The following MDGA2 variants were observed in gnomAD, a reference collection of about 807,000 sequenced individuals.
The protein encoded by MDGA2 is MAM domain-containing glycosylphosphatidylinositol anchor protein 2.
Under a neutral mutation model 117.8 loss-of-function variants are expected in MDGA2, and 40 were observed. That is an observed-to-expected ratio of 0.34 (90% CI 0.26 to 0.44). The LOEUF (loss-of-function observed/expected upper bound fraction) is 0.44, where lower values mean the gene tolerates loss of function less well. Among genes scored for constraint, MDGA2 ranks in the 20% least tolerant of loss-of-function variants. The pLI is 1.00. For missense variants in MDGA2, 1,123 were observed against 1,250.6 expected (o/e 0.90, Z 1.54); for synonymous variants, 452 against 439.0 (o/e 1.03, Z -0.37).
intron 4 of MDGA2, among the ~76,000 whole-genome samples, chr14:47,142,077 A>T (rs1012547756): frequency 6.6e-6 from 1 of 152,198 alleles, no homozygotes; most frequent in Admixed American, 6.5e-5. Context: ...CTTTGATAGT[A>T]TGAAAGATTT....
chr14:47,534,891 TA>T (rs1006154835), intron 1 of MDGA2, among the ~76,000 whole-genome samples: 38 of 152,336 alleles, frequency 2.5e-4, no homozygotes, highest in African/African-American at 8.4e-4. Flanking sequence ...CTGAAGCACC[TA>T]AATGTCTCAC....
chr14:47,424,716 A>C (rs17118617), intron 1 of MDGA2, among the ~76,000 whole-genome samples: 1 of 151,886 alleles, frequency 6.6e-6, no homozygotes, highest in Admixed American at 6.6e-5. Context: ...GGAGCAATAC[A>C]TATCTATGTG....
At chr14:47,052,905 C>T (rs2138732910) in intron 7 of MDGA2, among the ~76,000 whole-genome samples, 1 of 151,934 alleles carries the variant, frequency 6.6e-6, no homozygotes, top group African/African-American at 2.4e-5. Context: ...TCCTCTTAAT[C>T]CTCTGTCTCA....
chr14:47,070,467 CT>C (rs1488790071), intron 6 of MDGA2, among the ~76,000 whole-genome samples: 1 of 152,166 alleles, frequency 6.6e-6, no homozygotes, highest in Non-Finnish European at 1.5e-5. Flanking sequence ...GACATTGCCC[CT>C]ATCTCCCATT....
At chr14:47,282,050 GAAA>G (rs1255955701) in intron 2 of MDGA2, among the ~76,000 whole-genome samples, 2 of 124,218 alleles carry the variant, frequency 1.6e-5, no homozygotes, top group East Asian at 2.2e-4. Context: ...TCCGTCTCGG[GAAA>G]AAAAAAAAAA....
intron 1 of MDGA2, among the ~76,000 whole-genome samples, chr14:47,538,253 A>G (rs1895264076): frequency 6.6e-6 from 1 of 152,190 alleles, no homozygotes. Flanking sequence ...TTCCTGCCCC[A>G]ATATTTTATT....
chr14:47,589,164 A>G (rs1271798423), intron 1 of MDGA2, among the ~76,000 whole-genome samples: 2 of 151,950 alleles, frequency 1.3e-5, no homozygotes, highest in Admixed American at 1.3e-4. Context: ...TCAAATGTCG[A>G]CATCTTTGTG....
At chr14:47,199,010 C>T (rs1262321547) in intron 3 of MDGA2, among the ~76,000 whole-genome samples, 1 of 152,044 alleles carries the variant, frequency 6.6e-6, no homozygotes, top group Non-Finnish European at 1.5e-5. Context: ...TCCAAGATTG[C>T]AATATAAAAA....
chr14:47,387,783 A>G (rs1247597047), intron 1 of MDGA2, among the ~76,000 whole-genome samples: 1 of 152,174 alleles, frequency 6.6e-6, no homozygotes, highest in African/African-American at 2.4e-5. Flanking sequence ...GGATATGACA[A>G]CTTTGAAAGT....
chr14:47,233,999 T>G (rs1175945683), intron 2 of MDGA2, among the ~76,000 whole-genome samples: 1 of 152,120 alleles, frequency 6.6e-6, no homozygotes, highest in East Asian at 1.9e-4. Flanking sequence ...GGGTAACCCT[T>G]AAAATGTTTT....
chr14:46,880,186 G>T (rs1328474193), intron 11 of MDGA2, among the ~76,000 whole-genome samples: 1 of 151,962 alleles, frequency 6.6e-6, no homozygotes, highest in Non-Finnish European at 1.5e-5. Flanking sequence ...TTAGCTGGGC[G>T]TGGTGGCAAG....
chr14:46,931,786 G>A (rs1884589126), intron 9 of MDGA2, among the ~76,000 whole-genome samples: 1 of 151,986 alleles, frequency 6.6e-6, no homozygotes. Context: ...GCCTCCCAAA[G>A]AGTTGAGATT....
At chr14:47,083,134 A>G (rs1399543833) in intron 6 of MDGA2, among the ~76,000 whole-genome samples, 1 of 151,970 alleles carries the variant, frequency 6.6e-6, no homozygotes, top group African/African-American at 2.4e-5. Context: ...TGAAAGAGAC[A>G]GGAAAAAGAA....
intron 8 of MDGA2, among the ~76,000 whole-genome samples, chr14:47,008,786 C>A (rs2138523253): frequency 6.6e-6 from 1 of 152,010 alleles, no homozygotes; most frequent in East Asian, 1.9e-4. Flanking sequence ...AACAATCATT[C>A]TATCAGATCT....
intron 1 of MDGA2, among the ~76,000 whole-genome samples, chr14:47,326,668 G>A (rs1023197279): frequency 1.4e-5 from 2 of 145,786 alleles, no homozygotes; most frequent in Admixed American, 7.2e-5. Flanking sequence ...CCTCTACCCT[G>A]AAGCCAGTAA....
At chr14:46,859,389 G>A (rs1881415788) in intron 14 of MDGA2, among the ~76,000 whole-genome samples, 1 of 152,174 alleles carries the variant, frequency 6.6e-6, no homozygotes, top group Admixed American at 6.5e-5. Context: ...AAATAGTCAT[G>A]AGGGAACCCC....
intron 5 of MDGA2, among the ~76,000 whole-genome samples, chr14:47,126,993 A>G (rs976329944): frequency 2.3e-4 from 35 of 152,164 alleles, no homozygotes; most frequent in African/African-American, 8.0e-4. Context: ...TTTTGTCTCT[A>G]CCAAAAGTAC....
intron 3 of MDGA2, among the ~76,000 whole-genome samples, chr14:47,175,495 A>G: frequency 6.7e-6 from 1 of 150,250 alleles, no homozygotes; most frequent in Non-Finnish European, 1.5e-5. Flanking sequence ...CTGGTTCAAT[A>G]TACGCAAATC....
At chr14:47,567,832 A>G (rs2089441019) in intron 1 of MDGA2, among the ~76,000 whole-genome samples, 1 of 151,970 alleles carries the variant, frequency 6.6e-6, no homozygotes, top group South Asian at 2.1e-4. Context: ...ACAAAATTTT[A>G]TTTGTTGTAC....
Sources: gnomAD v4.1 joint callset for allele counts (sites outside exome capture counted in the v4.1 genomes callset) on GRCh38, gnomAD v4.1.1 for gene constraint, MANE v1.5 for transcripts, NCBI Gene and HGNC (gene_info 2026-07-23, HGNC 2026-07-21) for gene names.